TNFAIP8: variants seen among roughly 807,000 people sequenced by gnomAD.
TNFAIP8 encodes TNF alpha induced protein 8, also known as tumor necrosis factor alpha-induced protein 8.
A neutral mutation model predicts 13.3 loss-of-function variants in TNFAIP8; 7 were observed. The observed-to-expected ratio is 0.52, with a 90% confidence interval of 0.30 to 0.99. The LOEUF (loss-of-function observed/expected upper bound fraction) is 0.99. TNFAIP8 is among the 50% of genes least tolerant of loss of function. The pLI is 0.07. For missense variants in TNFAIP8, 258 were observed against 236.9 expected, an observed-to-expected ratio of 1.09 and a Z score of -0.58; for synonymous variants, 94 against 87.6, an observed-to-expected ratio of 1.07 and a Z score of -0.41.
chr5:119,390,699 A>G (rs1055869767), intron 1 of TNFAIP8, among the ~76,000 whole-genome samples: 22 of 152,320 alleles, frequency 1.4e-4, no homozygotes, highest in Admixed American at 1.4e-3. Context: ...ATGGCACTGT[A>G]TATTTATAAA....
chr5:119,327,425 C>G (rs1198265501), intron 1 of TNFAIP8, among the ~76,000 whole-genome samples: 1 of 152,156 alleles, frequency 6.6e-6, no homozygotes, highest in Non-Finnish European at 1.5e-5. Context: ...TGATTGCTCT[C>G]TAAATTGGAA....
chr5:119,320,953 A>G (rs547962515), intron 1 of TNFAIP8, among the ~76,000 whole-genome samples: 12 of 152,332 alleles, frequency 7.9e-5, no homozygotes, highest in Admixed American at 4.6e-4. Context: ...ACGGTGGCTC[A>G]TGCCTGTAAT....
chr5:119,295,779 A>C (rs1038362041), intron 1 of TNFAIP8, among the ~76,000 whole-genome samples: 2 of 152,068 alleles, frequency 1.3e-5, no homozygotes, highest in African/African-American at 4.8e-5. Context: ...ATGTTCTTCC[A>C]TTTGTTTGTA....
At chr5:119,277,255 C>G (rs564070362) in intron 1 of TNFAIP8, among the ~76,000 whole-genome samples, 85 of 152,252 alleles carry the variant, frequency 5.6e-4, no homozygotes, top group African/African-American at 1.9e-3. Context: ...TGGTTTATTT[C>G]TGTATCTATG....
chr5:119,393,164 T>G lies in TNFAIP8; in HGVS notation c.380T>G (p.Val127Gly). The G allele has an allele frequency of 6.2e-7, 1 of 1,614,054 alleles. No homozygotes were observed. Among genetic ancestry groups the G allele is most frequent in the Non-Finnish European group, 8.5e-7 (1 of 1,179,894 alleles). ...GTGGATTATACCTTTGACCGGAATG[T>G]GTTATCCAGGCTGTTAAATGAATGC... Reference protein sequence around the residue: ...HQVDYTFDRNVLSRLLNECRE... With the variant: ...HQVDYTFDRNGLSRLLNECRE... Residue 127 changes from valine (V) to glycine (G), a missense_variant, in exon 2 of 2, where the codon GTG becomes GGG. Physicochemically the swap from Val to Gly is moderately radical, Grantham distance 109. Transcript: ENST00000504771.
intron 1 of TNFAIP8, among the ~76,000 whole-genome samples, chr5:119,341,228 T>C (rs10059215): frequency 0.16 from 23,941 of 151,862 alleles, 3,310 homozygotes; most frequent in African/African-American, 0.38. Flanking sequence ...AGCGAGAGAT[T>C]GCTTATTTGT....
At chr5:119,305,844 C>A (rs1182990020) in intron 1 of TNFAIP8, among the ~76,000 whole-genome samples, 1 of 152,188 alleles carries the variant, frequency 6.6e-6, no homozygotes, top group Middle Eastern at 3.2e-3. Context: ...CTTGTTCATT[C>A]TTGGATGGAG....
At chr5:119,360,922 C>T (rs562136806) in intron 1 of TNFAIP8, among the ~76,000 whole-genome samples, 29 of 152,262 alleles carry the variant, frequency 1.9e-4, no homozygotes, top group African/African-American at 3.1e-4. Flanking sequence ...TATTAGATCC[C>T]GGATTTTGAA....
intron 1 of TNFAIP8, among the ~76,000 whole-genome samples, chr5:119,290,408 A>G (rs1200623181): frequency 6.6e-6 from 1 of 152,160 alleles, no homozygotes; most frequent in Non-Finnish European, 1.5e-5. Flanking sequence ...GGCAAGTGGT[A>G]GTCGCTCTAG....
intron 1 of TNFAIP8, among the ~76,000 whole-genome samples, chr5:119,382,038 C>T (rs1044738894): frequency 1.8e-4 from 28 of 152,180 alleles, no homozygotes; most frequent in Admixed American, 1.7e-3. Context: ...GAGACACATA[C>T]ATCCTTGGGT....
upstream of TNFAIP8, chr5:119,355,584 C>G: frequency 8.9e-6 from 5 of 561,976 alleles, 1 homozygote; most frequent in South Asian, 1.2e-4. Flanking sequence ...GTCAAATGGG[C>G]ATCAAAAAAT....
intron 1 of TNFAIP8, among the ~76,000 whole-genome samples, chr5:119,387,666 A>C (rs55933899): frequency 0.095 from 14,417 of 152,208 alleles, 1,008 homozygotes; most frequent in African/African-American, 0.21. Flanking sequence ...AGTATATTTT[A>C]ACCATATTTA....
In TNFAIP8 at chr5:119,270,648, C is replaced by G. The variant is rs375369877; in HGVS notation, c.1+1741C>G. Reference sequence around the variant, plus strand: ...ACACATTAATTGCCTCTGGCATTCACTGCCCATCTTTTCAGTTTTTACTTG... The same window carrying G: ...ACACATTAATTGCCTCTGGCATTCAGTGCCCATCTTTTCAGTTTTTACTTG... On this transcript the variant is annotated intron_variant, in intron 1 of 1. Coordinates refer to the TNFAIP8 transcript ENST00000274456. Among the ~76,000 whole-genome samples the G allele has an allele frequency of 3.9e-5, 6 of 152,252 alleles. No homozygotes were observed. The East Asian group carries it at 1.2e-3, about 29-fold the overall frequency.
intron 1 of TNFAIP8, among the ~76,000 whole-genome samples, chr5:119,350,119 C>A (rs1011313311): frequency 6.6e-6 from 1 of 152,160 alleles, no homozygotes; most frequent in African/African-American, 2.4e-5. Flanking sequence ...GACATTACTG[C>A]TAAGTACATC....
intron 1 of TNFAIP8, among the ~76,000 whole-genome samples, chr5:119,278,374 AGAGTGTGTGTGTGTGTGTGT>A (rs1748523563): frequency 1.6e-5 from 2 of 123,116 alleles, no homozygotes; most frequent in African/African-American, 7.5e-5. Flanking sequence ...AGAGAGAGAG[AGAGTGTGTGTGTGTGTGTGT>A]GTGTGTGTGT....
At chr5:119,310,306 G>GATGCAGAGGCA (rs1195689093) in intron 1 of TNFAIP8, among the ~76,000 whole-genome samples, 127 of 152,284 alleles carry the variant, frequency 8.3e-4, no homozygotes, top group Non-Finnish European at 1.5e-3. Context: ...TCCTGGGAGA[G>GATGCAGAGGCA]CCCTGAGTGG....
intron 1 of TNFAIP8, among the ~76,000 whole-genome samples, chr5:119,390,747 T>C (rs1752861337): frequency 6.6e-6 from 1 of 152,228 alleles, no homozygotes; most frequent in African/African-American, 2.4e-5. Flanking sequence ...TGCAGCTGCC[T>C]CTACTATATA....
intron 1 of TNFAIP8, among the ~76,000 whole-genome samples, chr5:119,386,803 G>T (rs1752693552): frequency 6.6e-6 from 1 of 152,168 alleles, no homozygotes; most frequent in Admixed American, 6.5e-5. Context: ...GCCTCCATCT[G>T]TGTGGCATAA....
intron 1 of TNFAIP8, among the ~76,000 whole-genome samples, chr5:119,380,104 C>G (rs1024598856): frequency 6.6e-6 from 1 of 152,244 alleles, no homozygotes; most frequent in Non-Finnish European, 1.5e-5. Context: ...TTTATGCACC[C>G]TTAGATAAGT....
Sources: gnomAD v4.1 joint callset for allele counts (sites outside exome capture counted in the v4.1 genomes callset) on GRCh38, gnomAD v4.1.1 for gene constraint, MANE v1.5 for transcripts, NCBI Gene and HGNC (gene_info 2026-07-23, HGNC 2026-07-21) for gene names.